PCDH9: variants seen among roughly 807,000 people sequenced by gnomAD.
PCDH9 encodes protocadherin-9.
Under a neutral mutation model 70.6 loss-of-function variants are expected in PCDH9, and 24 were observed. The ratio of observed to expected loss-of-function variants is 0.34; its 90% confidence interval spans 0.25 to 0.48. The LOEUF (loss-of-function observed/expected upper bound fraction) is 0.48. Ranked by LOEUF, PCDH9 falls within the 20% of genes least tolerant of loss-of-function variation. PCDH9 has a pLI of 0.99. For synonymous variants in PCDH9, 562 were observed against 558.5 expected, an observed-to-expected ratio of 1.01 and a Z score of -0.09; for missense variants, 1,281 against 1,503.6, an observed-to-expected ratio of 0.85 and a Z score of 2.45.
chr13:67,073,690 C>T (rs2085814082), intron 2 of PCDH9, among the ~76,000 whole-genome samples: 1 of 151,990 alleles, frequency 6.6e-6, no homozygotes, highest in Admixed American at 6.6e-5. Flanking sequence ...GGTATGTATA[C>T]TTTCCAGTTT....
intron 2 of PCDH9, among the ~76,000 whole-genome samples, chr13:66,967,870 C>A (rs1326467330): frequency 6.6e-6 from 1 of 151,898 alleles, no homozygotes; most frequent in Non-Finnish European, 1.5e-5. Context: ...ATATACTTGT[C>A]TCTGTTTATT....
intron 4 of PCDH9, among the ~76,000 whole-genome samples, chr13:66,326,081 T>TA (rs1955837733): frequency 6.6e-6 from 1 of 152,186 alleles, no homozygotes; most frequent in African/African-American, 2.4e-5. Flanking sequence ...GCCTTGTTTT[T>TA]ACTCACCTCT....
intron 3 of PCDH9, among the ~76,000 whole-genome samples, chr13:66,639,188 C>T (rs186783862): frequency 6.1e-4 from 93 of 152,266 alleles, no homozygotes; most frequent in Non-Finnish European, 1.2e-3. Flanking sequence ...AACCAGTTTG[C>T]TGTTTGCCGC....
chr13:66,986,172 C>T (rs2083888237), intron 2 of PCDH9, among the ~76,000 whole-genome samples: 1 of 151,834 alleles, frequency 6.6e-6, no homozygotes, highest in Non-Finnish European at 1.5e-5. Flanking sequence ...AAGTGCTGAT[C>T]CAAGGGGGAA....
intron 4 of PCDH9, among the ~76,000 whole-genome samples, chr13:66,546,758 T>C (rs777816897): frequency 2.0e-5 from 3 of 152,188 alleles, no homozygotes; most frequent in Non-Finnish European, 2.9e-5. Context: ...CAAGCTTCAT[T>C]TGTGGTGAGT....
intron 4 of PCDH9, among the ~76,000 whole-genome samples, chr13:66,592,436 T>C (rs74093379): frequency 0.015 from 2,217 of 151,840 alleles, 67 homozygotes; most frequent in African/African-American, 0.051. Flanking sequence ...GCAGTACTAC[T>C]GAAATTTGAT....
intron 3 of PCDH9, among the ~76,000 whole-genome samples, chr13:66,901,615 A>C (rs1415944859): frequency 9.9e-5 from 15 of 151,774 alleles, no homozygotes; most frequent in Non-Finnish European, 3.0e-5. Context: ...TGGACTAATA[A>C]TATAAATAAA....
chr13:67,057,959 A>C (rs561880612), intron 2 of PCDH9, among the ~76,000 whole-genome samples: 253 of 152,266 alleles, frequency 1.7e-3, no homozygotes, highest in African/African-American at 5.9e-3. Context: ...TGTGTAATTA[A>C]AAATCCAAAA....
chr13:67,093,733 G>A (rs61191692), intron 2 of PCDH9, among the ~76,000 whole-genome samples: 14,565 of 152,138 alleles, frequency 0.096, 761 homozygotes, highest in Non-Finnish European at 0.12. Context: ...GCCCATGACT[G>A]GGGCTGTCAG....
At chr13:66,740,680 A>G (rs2079248360) in intron 3 of PCDH9, among the ~76,000 whole-genome samples, 1 of 151,758 alleles carries the variant, frequency 6.6e-6, no homozygotes, top group African/African-American at 2.4e-5. Context: ...TCCCACAGAA[A>G]TACAAACTAC....
At chr13:67,072,484 C>T (rs1450934103) in intron 2 of PCDH9, among the ~76,000 whole-genome samples, 1 of 152,088 alleles carries the variant, frequency 6.6e-6, no homozygotes, top group Non-Finnish European at 1.5e-5. Context: ...GTCTTTATTT[C>T]TGAAGACTCC....
chr13:66,657,027 C>T (rs2077940252), intron 3 of PCDH9, among the ~76,000 whole-genome samples: 1 of 152,132 alleles, frequency 6.6e-6, no homozygotes, highest in South Asian at 2.1e-4. Flanking sequence ...AAATGAGCTT[C>T]CTCAGACAAA....
intron 4 of PCDH9, among the ~76,000 whole-genome samples, chr13:66,468,508 A>G (rs919090408): frequency 6.6e-6 from 1 of 152,106 alleles, no homozygotes; most frequent in African/African-American, 2.4e-5. Context: ...TCATACTCTG[A>G]TGTCTTGAAA....
At chr13:66,445,530 A>C (rs185473468) in intron 4 of PCDH9, among the ~76,000 whole-genome samples, 4 of 143,562 alleles carry the variant, frequency 2.8e-5, no homozygotes, top group South Asian at 2.1e-4. Context: ...TAATATATAC[A>C]CATATATATT....
chr13:67,043,935 T>C (rs989670683), intron 2 of PCDH9, among the ~76,000 whole-genome samples: 1 of 152,170 alleles, frequency 6.6e-6, no homozygotes, highest in Admixed American at 6.5e-5. Context: ...CTGTTTTAAA[T>C]GCATGGAAAC....
intron 2 of PCDH9, among the ~76,000 whole-genome samples, chr13:67,049,597 C>T (rs919077950): frequency 1.4e-4 from 22 of 152,094 alleles, no homozygotes; most frequent in Admixed American, 9.8e-4. Flanking sequence ...CTGAGGATGG[C>T]GATAAAGGAG....
chr13:66,718,758 G>C (rs1426392634), intron 3 of PCDH9, among the ~76,000 whole-genome samples: 2 of 152,202 alleles, frequency 1.3e-5, no homozygotes, highest in Non-Finnish European at 2.9e-5. Flanking sequence ...ATAAACACCA[G>C]GGTTAACACT....
chr13:66,467,454 C>T (rs553769169), intron 4 of PCDH9, among the ~76,000 whole-genome samples: 3 of 152,086 alleles, frequency 2.0e-5, no homozygotes, highest in East Asian at 3.9e-4. Context: ...CTTTCTTTCT[C>T]GACTTCATTC....
intron 2 of PCDH9, among the ~76,000 whole-genome samples, chr13:66,968,460 T>C (rs2083465283): frequency 6.6e-6 from 1 of 152,008 alleles, no homozygotes; most frequent in African/African-American, 2.4e-5. Flanking sequence ...AGTTCCTACC[T>C]AAGTCTTTAA....
Sources: allele counts gnomAD v4.1 joint callset (sites outside exome capture counted in the v4.1 genomes callset), GRCh38; gene constraint gnomAD v4.1.1; transcripts MANE v1.5; gene names NCBI Gene and HGNC (gene_info 2026-07-23, HGNC 2026-07-21).